LIPH: variants seen among roughly 807,000 people sequenced by gnomAD.
LIPH encodes lipase member H.
In LIPH, 32 loss-of-function variants were observed where a neutral mutation model predicts 47.6. The observed-to-expected ratio is 0.67, with a 90% CI of 0.51 to 0.90. The LOEUF is 0.90. Ranked by LOEUF, LIPH falls within the 40% of genes least tolerant of loss-of-function variation. The pLI is 0.00. For missense variants in LIPH, 497 were observed against 541.4 expected (o/e 0.92, Z 0.81); for synonymous variants, 190 against 195.6 (o/e 0.97, Z 0.24).
At chr3:185,514,914 C>T (rs965480657) in intron 7 of LIPH, among the ~76,000 whole-genome samples, 2 of 152,104 alleles carry the variant, frequency 1.3e-5, no homozygotes, top group African/African-American at 4.8e-5. Context: ...CCAAGTCCAC[C>T]AGCCTACTCA....
intron 5 of LIPH, among the ~76,000 whole-genome samples, chr3:185,523,468 G>C (rs1174624764): frequency 9.2e-5 from 14 of 152,124 alleles, no homozygotes; most frequent in Non-Finnish European, 1.6e-4. Flanking sequence ...GCAGTGGCAT[G>C]ATCACGGCTC....
intron 1 of LIPH, among the ~76,000 whole-genome samples, chr3:185,537,727 C>G (rs1417872026): frequency 6.6e-6 from 1 of 152,108 alleles, no homozygotes; most frequent in Non-Finnish European, 1.5e-5. Flanking sequence ...AGAGAGGAAT[C>G]CTGGGGAGAC....
At chr3:185,535,725 C>T (rs1320781176) in intron 1 of LIPH, among the ~76,000 whole-genome samples, 3 of 151,994 alleles carry the variant, frequency 2.0e-5, no homozygotes, top group African/African-American at 7.2e-5. Context: ...GCCTCAGCCT[C>T]CCAAGTAACT....
At chr3:185,524,284 TG>T in intron 4 of LIPH, 124 bp from the exon 5 acceptor site, 1 of 687,986 alleles carries the variant, frequency 1.5e-6, no homozygotes, top group South Asian at 1.6e-5. Context: ...GTTATACCTA[TG>T]TAAGAGTTTT....
chr3:185,528,017 G>A (rs1720165752), intron 3 of LIPH, among the ~76,000 whole-genome samples: 1 of 151,682 alleles, frequency 6.6e-6, no homozygotes. Context: ...GAGGTCAAGA[G>A]ATCAAGACCA....
At chr3:185,524,217 T>A in intron 4 of LIPH, 57 bp from the exon 5 acceptor site, 1 of 957,032 alleles carries the variant, frequency 1.0e-6, no homozygotes, top group Non-Finnish European at 1.7e-6. Context: ...ATCTCACAGC[T>A]CATTTGCCTG....
chr3:185,534,858 C>T lies in LIPH; in HGVS notation c.324G>A (p.Trp108Ter), dbSNP rs1720452544. Residue 108 changes from tryptophan to a stop codon, truncating the protein, a stop_gained, in exon 2 of 10, where the codon TGG (tryptophan) becomes TGA (stop). Coordinates refer to ENST00000296252, the MANE Select transcript of LIPH (RefSeq NM_139248.3). LOFTEE classifies it high-confidence loss of function. ...ATATTAAAGTTGTAGCTCCTCGATT[C>T]CAATCAACAACAACTACGTTCATGT... ...VEDMNVVVVD[W>*]NRGATTLIYT... 1 of 1,613,998 alleles carries T rather than the reference C, an allele frequency of 6.2e-7. No homozygotes were observed. Among genetic ancestry groups the T allele is most frequent in the Non-Finnish European group, 8.5e-7 (1 of 1,179,976 alleles).
chr3:185,531,556 C>CAAA (rs1204988383), intron 3 of LIPH, among the ~76,000 whole-genome samples: 5 of 73,132 alleles, frequency 6.8e-5, no homozygotes, highest in African/African-American at 2.1e-4. Context: ...GACTCTGTCT[C>CAAA]AAAAAAAAAA....
chr3:185,552,582 G>A lies in LIPH; in HGVS notation c.-111C>T. 1 of 781,556 alleles carries A rather than the reference G, an allele frequency of 1.3e-6. No individual in the cohort carries two copies. Among genetic ancestry groups the A allele is most frequent in the Admixed American group, 1.9e-5 (1 of 52,062 alleles). The allele number at this position is 781,556 out of a possible 1,614,324, so 48.4% of individuals were successfully genotyped here. ...CACAGTGAGCTCAGACGACTCAGAG[G>A]TGTGGTGACAACAGGAAGTTCCCTA... On this transcript the variant is annotated 5_prime_UTR_variant, in exon 1 of 10. Transcript: ENST00000296252.
intron 1 of LIPH, among the ~76,000 whole-genome samples, chr3:185,539,648 G>A (rs538837546): frequency 1.5e-3 from 235 of 152,236 alleles, no homozygotes; most frequent in African/African-American, 5.1e-3. Context: ...TGGGATCACA[G>A]GTGTGAGCCA....
Position 185,519,282 on chromosome 3 carries a change from T to C in LIPH, c.746A>G (p.Gln249Arg), listed in dbSNP as rs1357915153. Reference protein sequence around the residue: ...GGFQYFKCDHQRSVYLYLSSL... With the variant: ...GGFQYFKCDHRRSVYLYLSSL... Reference sequence around the variant, plus strand: ...AGACAGGTACAGGTATACAGACCTCTGGTGGTCACATTTAAAATACTGAAA... The same window carrying C: ...AGACAGGTACAGGTATACAGACCTCCGGTGGTCACATTTAAAATACTGAAA... The change falls in exon 6 of 10, where the codon CAG becomes CGG. Residue 249 changes from glutamine (Q) to arginine (R), a missense_variant. Gln to Arg is a conservative substitution (Grantham distance 43, BLOSUM62 1). Transcript: ENST00000296252. The C allele has an allele frequency of 3.7e-6, 6 of 1,613,386 alleles. No individual in the cohort carries two copies. Among genetic ancestry groups the C allele is most frequent in the Non-Finnish European group, 4.2e-6 (5 of 1,179,372 alleles).
chr3:185,509,294 AAG>A lies in LIPH; in HGVS notation c.1269-419_1269-418del, dbSNP rs10547030. ...AATGAGACTCTGTCTCAGAAAAAAA[AAG>A]AAAGAAAATGCTTATGGTAAGTAAA... On this transcript the variant is annotated intron_variant, in intron 9 of 9. Transcript: ENST00000296252. Among the ~76,000 whole-genome samples, 1,189 of 150,490 alleles carry A rather than the reference AAG, an allele frequency of 7.9e-3. 15 individuals are homozygous for A. Among genetic ancestry groups the A allele is most frequent in the African/African-American group, 0.028 (1,142 of 40,778 alleles).
chr3:185,538,872 C>CACATATATAT (rs1458705866), intron 1 of LIPH, among the ~76,000 whole-genome samples: 2 of 141,782 alleles, frequency 1.4e-5, no homozygotes, highest in South Asian at 2.2e-4. Context: ...TACATATATA[C>CACATATATAT]ACATATATAT....
intron 1 of LIPH, among the ~76,000 whole-genome samples, chr3:185,546,588 C>A (rs1560173288): frequency 6.6e-6 from 1 of 152,128 alleles, no homozygotes. Context: ...CACTTGAGCC[C>A]AAGAGTTCGA....
rs188384645 is a variant in LIPH, at chr3:185,524,883, T to C, written c.629-723A>G. Among the ~76,000 whole-genome samples the C allele has an allele frequency of 2.3e-3, 357 of 152,282 alleles. 3 individuals carry two copies. The highest frequency in any genetic ancestry group is 8.7e-4 in the Non-Finnish European group (59 of 68,030). ...CTTAGTAGATAAAATCTTTAAATAT[T>C]TGAGAGCTAGGATGGTAAAAAGATT... On this transcript the variant is annotated intron_variant, in intron 4 of 9. Transcript: ENST00000296252.
intron 3 of LIPH, among the ~76,000 whole-genome samples, chr3:185,528,593 T>G (rs775025480): frequency 1.3e-5 from 2 of 152,138 alleles, no homozygotes; most frequent in Non-Finnish European, 2.9e-5. Context: ...TGCAACCACT[T>G]CTATCTGTTG....
intron 1 of LIPH, among the ~76,000 whole-genome samples, chr3:185,545,088 G>T (rs990345603): frequency 6.6e-6 from 1 of 152,174 alleles, no homozygotes; most frequent in Non-Finnish European, 1.5e-5. Context: ...AGTGACCACA[G>T]AACATGTTAA....
chr3:185,514,621 C>G, intron 7 of LIPH, 100 bp from the exon 8 acceptor site: 2 of 735,668 alleles, frequency 2.7e-6, no homozygotes, highest in Non-Finnish European at 5.0e-6. Flanking sequence ...CACTGAGTCT[C>G]TTCTTCTCTT....
At chr3:185,531,371 ACT>A (rs1260524603) in intron 3 of LIPH, among the ~76,000 whole-genome samples, 1 of 151,720 alleles carries the variant, frequency 6.6e-6, no homozygotes, top group Admixed American at 6.6e-5. Flanking sequence ...ACATGGCGAA[ACT>A]CCATCTCTAG....
Sources: allele counts gnomAD v4.1 joint callset (sites outside exome capture counted in the v4.1 genomes callset), GRCh38; gene constraint gnomAD v4.1.1; transcripts MANE v1.5; gene names NCBI Gene and HGNC (gene_info 2026-07-23, HGNC 2026-07-21).